The following SEMA4C variants were observed in gnomAD, a reference collection of about 807,000 sequenced individuals.
The protein encoded by SEMA4C is semaphorin 4C, also known as semaphorin-4C.
A neutral mutation model predicts 89.0 loss-of-function variants in SEMA4C; 19 were observed. The observed-to-expected ratio is 0.21, with a 90% CI of 0.15 to 0.31. The LOEUF (loss-of-function observed/expected upper bound fraction) is 0.31. SEMA4C is among the 10% of genes least tolerant of loss of function. The probability of loss-of-function intolerance (pLI) is 1.00; values close to 1 mark genes in which losing one functional copy is unlikely to be tolerated. For missense variants in SEMA4C, 811 were observed against 1,107.0 expected (o/e 0.73, Z 3.79); for synonymous variants, 428 against 472.7 (o/e 0.91, Z 1.23).
chr2:96,860,744 C>G lies in SEMA4C; in HGVS notation c.2384G>C (p.Gly795Ala). The stretch of plus-strand genomic sequence containing the variant: ...CCCGAGCCCTCCCCGGTCCTCCCCT[C>G]CTAGTTGTAAGCGCACGTAACCATT... ...NANGYVRLQL[G>A]GEDRGGLGHP... The change falls in exon 15 of 15, where the codon GGA becomes GCA. Residue 795 changes from glycine to alanine, a missense_variant. Physicochemically the swap from Gly to Ala is moderately conservative, Grantham distance 60. Around this residue, in one of 4 missense-constraint regions of SEMA4C, gnomAD observed 248 missense variants for 269.0 expected, o/e 0.92. Coordinates refer to ENST00000305476, the MANE Select transcript of SEMA4C (RefSeq NM_017789.5). 4 of 1,613,906 alleles carry G rather than the reference C, an allele frequency of 2.5e-6. No individual in the cohort carries two copies. The highest frequency in any genetic ancestry group is 3.4e-6 in the Non-Finnish European group (4 of 1,180,004).
Position 96,864,910 on chromosome 2 carries a change from C to T in SEMA4C, c.787-30G>A. 1.2e-6 allele frequency: 2 copies of T among 1,611,558 alleles called. No homozygotes were observed. The highest frequency in any genetic ancestry group is 1.7e-6 in the Non-Finnish European group (2 of 1,178,912). On this transcript the variant is annotated intron_variant, in intron 8 of 14. Transcript: ENST00000305476. This position sits in a 1 kb window ranked among gnomAD's most constrained non-coding sequence, Gnocchi z 6.3. ...CAGACGGCAAGGGGACACTGCCGGTCAGCCCCGCTGGGCCAGCAGGGCTCC... is the reference window on the plus strand; with the variant it reads ...CAGACGGCAAGGGGACACTGCCGGTTAGCCCCGCTGGGCCAGCAGGGCTCC...
chr2:96,866,227 C>T, intron 3 of SEMA4C, 56 bp downstream of exon 3: 2 of 1,560,372 alleles, frequency 1.3e-6, no homozygotes, highest in Non-Finnish European at 1.7e-6. Context: ...AAGCACAGCC[C>T]CTCTGGGCCT....
rs1286809857 is a variant in SEMA4C, at chr2:96,866,376, T to C, written c.165A>G (p.Thr55=). Residue 55 remains threonine (T), a synonymous_variant, in exon 3 of 15, where the codon ACA becomes ACG. Transcript: ENST00000305476. ...GCCCAGTGGGCTCCGTCAGCGTCAG[T>C]GTCAGGAAGTCCTGGATGCCGGTCT... ...FSQTGIQDFL[T]LTLTEPTGLL... 2.5e-6 allele frequency: 4 copies of C among 1,613,902 alleles called. No homozygotes were observed. Among genetic ancestry groups the C allele is most frequent in the Admixed American group, 1.7e-5 (1 of 60,032 alleles).
upstream of SEMA4C, chr2:96,870,177 G>C: frequency 1.0e-6 from 1 of 984,198 alleles, no homozygotes; most frequent in Non-Finnish European, 1.2e-6. Context: ...CTCAGGAGGG[G>C]GCTGCGACCC....
intron 1 of SEMA4C, chr2:96,869,252 C>G (rs1416840701): frequency 1.0e-6 from 1 of 985,284 alleles, no homozygotes; most frequent in East Asian, 1.1e-4. Flanking sequence ...CTCCCACCCG[C>G]AGCTCCCCCC....
Position 96,860,737 on chromosome 2 carries a change from C to G in SEMA4C, c.2391G>C (p.Glu797Asp). 1 of 1,613,874 alleles carries G rather than the reference C, an allele frequency of 6.2e-7. No individual in the cohort carries two copies. Among genetic ancestry groups the G allele is most frequent in the Non-Finnish European group, 8.5e-7 (1 of 1,179,988 alleles). Reference sequence around the variant, plus strand: ...GGGGGTGCCCGAGCCCTCCCCGGTCCTCCCCTCCTAGTTGTAAGCGCACGT... The same window carrying G: ...GGGGGTGCCCGAGCCCTCCCCGGTCGTCCCCTCCTAGTTGTAAGCGCACGT... ...NGYVRLQLGG[E>D]DRGGLGHPLP... Residue 797 changes from glutamate (E) to aspartate (D), a missense_variant, in exon 15 of 15, where the codon GAG (glutamate) becomes GAC (aspartate). By Grantham distance (45) the Glu-to-Asp change is conservative. Around this residue, in one of 4 missense-constraint regions of SEMA4C, gnomAD observed 248 missense variants for 269.0 expected, o/e 0.92. Transcript: ENST00000305476.
chr2:96,867,603 G>A (rs746061795), intron 2 of SEMA4C, among the ~76,000 whole-genome samples, 175 bp downstream of exon 2: 7 of 152,188 alleles, frequency 4.6e-5, no homozygotes, highest in Non-Finnish European at 8.8e-5. Context: ...GTGGGGAGTT[G>A]GACAGAGCTC....
intron 2 of SEMA4C, chr2:96,866,650 G>A (rs1459663033): frequency 2.9e-6 from 2 of 700,604 alleles, no homozygotes; most frequent in Non-Finnish European, 5.2e-6. Context: ...CCAGGCTGCT[G>A]GGAGGAAGGA....
chr2:96,863,794 C>A lies in SEMA4C; in HGVS notation c.1331G>T (p.Gly444Val). ...CACAGCCTTGAGCAGCCAGCCGTCT[C>A]CTGGGGGGTGCAGAGGAGAAGGTGT... is the stretch of plus-strand genomic sequence containing the variant. ...ATYTVLFIGTGDGWLLKAVSL... is the reference protein window; with the variant it reads ...ATYTVLFIGTVDGWLLKAVSL... The change falls in exon 12 of 15, where the codon GGA (glycine) becomes GTA (valine). Residue 444 changes from glycine (G) to valine (V), a missense_variant and splice_region_variant. Around this residue, in one of 4 missense-constraint regions of SEMA4C, gnomAD observed 441 missense variants for 664.9 expected, o/e 0.66. Coordinates refer to ENST00000305476, the MANE Select transcript of SEMA4C (RefSeq NM_017789.5). 6.2e-7 allele frequency: 1 copy of A among 1,613,750 alleles called. No homozygotes were observed. The highest frequency in any genetic ancestry group is 1.1e-5 in the South Asian group (1 of 91,066).
intron 2 of SEMA4C, 96 bp from the exon 3 acceptor site, chr2:96,866,527 A>C: frequency 6.5e-7 from 1 of 1,538,236 alleles, no homozygotes; most frequent in Non-Finnish European, 9.0e-7. Context: ...TGCCACAAGC[A>C]GATGCCAGCC....
rs747334124 is a variant in SEMA4C at position 96,860,611 on chromosome 2, C to T, written c.*15G>A. 9.5e-6 allele frequency: 15 copies of T among 1,577,620 alleles called. No homozygotes were observed. The highest frequency in any genetic ancestry group is 5.8e-5 in the South Asian group (5 of 86,768). ...ACACCTCCCACGCTTCCCGCCGACG[C>T]GGTGGGGGTTCCCCTCATACTGATG... On this transcript the variant is annotated 3_prime_UTR_variant, in exon 15 of 15. Transcript: ENST00000305476.
In SEMA4C at chr2:96,861,981, G is replaced by A. The variant is rs1288162768; in HGVS notation, c.1444-87C>T. 6 of 1,426,026 alleles carry A rather than the reference G, an allele frequency of 4.2e-6. No individual in the cohort carries two copies. The highest frequency in any genetic ancestry group is 5.7e-6 in the Non-Finnish European group (6 of 1,054,514). The allele number at this position is 1,426,026 out of a possible 1,614,324, so 88.3% of individuals were successfully genotyped here. A position where few individuals can be genotyped will look rare whatever the true frequency, so the allele number is the denominator to read the frequency against. On this transcript the variant is annotated intron_variant, in intron 12 of 14. Coordinates refer to ENST00000305476, the MANE Select transcript of SEMA4C (RefSeq NM_017789.5). The surrounding 1 kb of genome is among the most constrained non-coding windows in gnomAD (Gnocchi z 7.8). ...CGGACCAGAACGCAGCATGGGGACA[G>A]CTTGGACTCCTGCAGGGGGCACAGC...
intron 1 of SEMA4C, chr2:96,869,458 C>G: frequency 1.0e-6 from 1 of 985,166 alleles, no homozygotes. Flanking sequence ...ACCCGCCTCC[C>G]CAGCGGAATG....
At chr2:96,863,551 C>T (rs2080000469) in intron 12 of SEMA4C, 131 bp downstream of exon 12, 2 of 1,235,930 alleles carry the variant, frequency 1.6e-6, no homozygotes, top group Non-Finnish European at 2.3e-6. Context: ...GCAAGGTGTG[C>T]ATCCACATGT....
At position 96,861,158 on chromosome 2, in the gene SEMA4C, G is replaced by A. The variant is rs561361401; in HGVS notation, c.1970C>T (p.Ala657Val). The change falls in exon 15 of 15, where the codon GCC becomes GTC. Residue 657 changes from alanine to valine, a missense_variant. Ala to Val is a moderately conservative substitution (Grantham distance 64). Coordinates refer to ENST00000305476, the MANE Select transcript of SEMA4C (RefSeq NM_017789.5). This position sits in a 1 kb window ranked among gnomAD's most constrained non-coding sequence, Gnocchi z 7.8. ...CACCAGCCCCAGGTTTTCCAGGGGG[G>A]CCCGGGCCTCCAAGGTCACCGACGG... Reference protein sequence around the residue: ...AGPSVTLEARAPLENLGLVWL... With the variant: ...AGPSVTLEARVPLENLGLVWL... 2 of 1,610,644 alleles carry A rather than the reference G, an allele frequency of 1.2e-6. No homozygotes were observed. Among genetic ancestry groups the A allele is most frequent in the South Asian group, 1.1e-5 (1 of 91,050 alleles).
chr2:96,863,608 G>A, intron 12 of SEMA4C, 74 bp downstream of exon 12: 3 of 1,462,196 alleles, frequency 2.1e-6, no homozygotes, highest in Admixed American at 1.7e-5. Context: ...GGCCCAACTG[G>A]GAGAAGCAGC....
In SEMA4C at chr2:96,865,886, T is replaced by TG. The variant is rs1247596821; in HGVS notation, c.301dup (p.Gln101ProfsTer53). On this transcript the variant is annotated frameshift_variant, in exon 4 of 15. Coordinates refer to ENST00000305476, the MANE Select transcript of SEMA4C (RefSeq NM_017789.5). LOFTEE classifies it high-confidence loss of function. ...ACCCACCTGGTTGTTCTTCCCTTTCTGGATACACTCAGTCTTCTTCTCCAC... is the reference window on the plus strand; with the variant it reads ...ACCCACCTGGTTGTTCTTCCCTTTCTGGGATACACTCAGTCTTCTTCTCCAC... 6.2e-7 allele frequency: 1 copy of TG among 1,613,974 alleles called. No homozygotes were observed. Among genetic ancestry groups the TG allele is most frequent in the Non-Finnish European group, 8.5e-7 (1 of 1,180,024 alleles).
At chr2:96,863,557 CAT>C (rs776508247) in intron 12 of SEMA4C, 123 bp downstream of exon 12, 3 of 1,245,466 alleles carry the variant, frequency 2.4e-6, no homozygotes, top group Non-Finnish European at 3.4e-6. Flanking sequence ...TGTGCATCCA[CAT>C]GTGTGTGTGT....
In SEMA4C at chr2:96,865,797, C is replaced by T. The variant is rs370816187; in HGVS notation, c.322-33G>A. On this transcript the variant is annotated intron_variant, in intron 4 of 14. Coordinates refer to ENST00000305476, the MANE Select transcript of SEMA4C (RefSeq NM_017789.5). The stretch of plus-strand genomic sequence containing the variant: ...CAGAAAGGTGTCCGGTTAGTGAGAG[C>T]GCGAGGGCCAGAATGGGAGGAGACG... 41 of 1,613,380 alleles carry T rather than the reference C, an allele frequency of 2.5e-5. No homozygotes were observed. The Middle Eastern group carries it at 4.9e-4, about 19-fold the overall frequency.
Sources: gnomAD v4.1 joint callset for allele counts (sites outside exome capture counted in the v4.1 genomes callset) on GRCh38, gnomAD v4.1.1 for gene constraint, gnomAD v4.1.1 regional missense constraint, Gnocchi (gnomAD v3.1) non-coding constraint, MANE v1.5 for transcripts, NCBI Gene and HGNC (gene_info 2026-07-23, HGNC 2026-07-21) for gene names.